GLI2: variants seen among roughly 807,000 people sequenced by gnomAD.
GLI2 encodes the protein GLI family zinc finger 2, also known as transcription activator GLI2.
A neutral mutation model predicts 78.9 loss-of-function variants in GLI2; 22 were observed. That is an observed-to-expected ratio of 0.28 (90% CI 0.20 to 0.40). The LOEUF is 0.40. Ranked by LOEUF, GLI2 falls within the 10% of genes least tolerant of loss-of-function variation. The probability of loss-of-function intolerance (pLI) is 1.00; values close to 1 mark genes in which losing one functional copy is unlikely to be tolerated. For missense variants in GLI2, 2,097 were observed against 2,213.2 expected, an observed-to-expected ratio of 0.95 and a Z score of 1.05; for synonymous variants, 974 against 963.7, an observed-to-expected ratio of 1.01 and a Z score of -0.20.
At chr2:120,902,547 A>G (rs1678320574) in intron 2 of GLI2, among the ~76,000 whole-genome samples, 1 of 152,184 alleles carries the variant, frequency 6.6e-6, no homozygotes, top group African/African-American at 2.4e-5. Context: ...GGCTGGAGGT[A>G]TGGTGTGCTC....
intron 5 of GLI2, among the ~76,000 whole-genome samples, chr2:120,957,947 G>A (rs1343268274): frequency 6.6e-6 from 1 of 152,230 alleles, no homozygotes; most frequent in East Asian, 1.9e-4. Context: ...TCCCTGGGCT[G>A]CAGTTTTCAG....
At chr2:120,894,608 T>TTG (rs1382541995) in intron 2 of GLI2, among the ~76,000 whole-genome samples, 1 of 148,178 alleles carries the variant, frequency 6.7e-6, no homozygotes, top group African/African-American at 2.7e-5. Flanking sequence ...GCATTAACCC[T>TTG]TGGGGGGGGG....
chr2:120,953,664 G>T (rs991511686), intron 4 of GLI2, among the ~76,000 whole-genome samples: 1 of 152,174 alleles, frequency 6.6e-6, no homozygotes, highest in African/African-American at 2.4e-5. Context: ...AAGCAGAGAC[G>T]CTGTATTCCA....
At chr2:120,873,899 G>C (rs1688594320) in intron 2 of GLI2, among the ~76,000 whole-genome samples, 2 of 152,152 alleles carry the variant, frequency 1.3e-5, no homozygotes, top group Non-Finnish European at 2.9e-5. Flanking sequence ...CATCTTTGTG[G>C]GGAGACAGCC....
intron 2 of GLI2, among the ~76,000 whole-genome samples, chr2:120,920,548 G>A (rs1558883062): frequency 6.6e-6 from 1 of 152,150 alleles, no homozygotes; most frequent in Non-Finnish European, 1.5e-5. Flanking sequence ...CCAGTACACT[G>A]CCCACACCAA....
In GLI2 at chr2:120,951,464, T is replaced by G. The variant is rs1558908940; in HGVS notation, c.457+19T>G. The G allele has an allele frequency of 6.4e-7, 1 of 1,552,942 alleles. No individual in the cohort carries two copies. Among genetic ancestry groups the G allele is most frequent in the Non-Finnish European group, 8.9e-7 (1 of 1,128,450 alleles). ...GCTGATGGTGAGTAGGGTGTGGGGATGGGGAGGGGCAGCTAGGGCACTGGG... is the reference window on the plus strand; with the variant it reads ...GCTGATGGTGAGTAGGGTGTGGGGAGGGGGAGGGGCAGCTAGGGCACTGGG... On this transcript the variant is annotated intron_variant, in intron 4 of 13. Coordinates refer to ENST00000361492, the MANE Select transcript of GLI2 (RefSeq NM_001374353.1).
At position 120,884,728 on chromosome 2, in the gene GLI2, C is replaced by T. The variant is rs145210704; in HGVS notation, c.149-42633C>T. Among the ~76,000 whole-genome samples the T allele has an allele frequency of 5.6e-3, 858 of 152,308 alleles. 15 individuals are homozygous for T. Among genetic ancestry groups the T allele is most frequent in the African/African-American group, 0.019 (804 of 41,560 alleles). Reference sequence around the variant, plus strand: ...AGCTGAGTGACATTAGGGTGGCCGTCGGAGTCCAGCTAGAGTGGGCAGCAC... The same window carrying T: ...AGCTGAGTGACATTAGGGTGGCCGTTGGAGTCCAGCTAGAGTGGGCAGCAC... On this transcript the variant is annotated intron_variant, in intron 2 of 13. Coordinates refer to ENST00000361492, the MANE Select transcript of GLI2 (RefSeq NM_001374353.1).
chr2:120,914,534 TC>T (rs1329325532), intron 2 of GLI2, among the ~76,000 whole-genome samples: 1 of 152,226 alleles, frequency 6.6e-6, no homozygotes, highest in African/African-American at 2.4e-5. Flanking sequence ...CCCTATTGTT[TC>T]TTCCAGCCCT....
chr2:120,756,940 A>G (rs901083009), intron 1 of GLI2, among the ~76,000 whole-genome samples: 6 of 152,038 alleles, frequency 3.9e-5, no homozygotes, highest in African/African-American at 1.4e-4. Flanking sequence ...CTCTTTTTTA[A>G]TGTTTTATTC....
intron 2 of GLI2, among the ~76,000 whole-genome samples, chr2:120,806,081 C>T (rs1558806300): frequency 6.6e-6 from 1 of 152,176 alleles, no homozygotes; most frequent in East Asian, 1.9e-4. Flanking sequence ...TGGATGGGCC[C>T]CTGTTTCCTG....
rs774448389 is a variant in GLI2, at chr2:120,990,649, A to T, written c.4684A>T (p.Ser1562Cys). 20 of 1,612,618 alleles carry T rather than the reference A, an allele frequency of 1.2e-5. No individual in the cohort carries two copies. Among genetic ancestry groups the T allele is most frequent in the Admixed American group, 1.7e-5 (1 of 59,986 alleles). Residue 1562 changes from serine (S) to cysteine (C), a missense_variant, in exon 14 of 14, where the codon AGC (serine) becomes TGC (cysteine). By Grantham distance (112) the Ser-to-Cys change is moderately radical. Coordinates refer to ENST00000361492, the MANE Select transcript of GLI2 (RefSeq NM_001374353.1). ...SSMLTSLAEE[S>C]KFLNMMT ...CATGCTCACCAGCCTCGCCGAGGAGAGCAAGTTCCTGAACATGATGACCTA... is the reference window on the plus strand; with the variant it reads ...CATGCTCACCAGCCTCGCCGAGGAGTGCAAGTTCCTGAACATGATGACCTA...
At chr2:120,783,077 G>A (rs1683893031) in intron 1 of GLI2, among the ~76,000 whole-genome samples, 2 of 152,100 alleles carry the variant, frequency 1.3e-5, no homozygotes, top group African/African-American at 2.4e-5. Context: ...GCAGGCTCAG[G>A]AGAAAGCCTG....
rs1683288977 is a variant in GLI2, at chr2:120,991,399, G to A, written c.*724G>A. 6.5e-6 allele frequency: 1 copy of A among 152,704 alleles called. No individual in the cohort carries two copies. 9.5% of individuals were successfully genotyped at this position (152,704 alleles called of 1,614,324 possible). On this transcript the variant is annotated 3_prime_UTR_variant, in exon 14 of 14. Coordinates refer to ENST00000361492, the MANE Select transcript of GLI2 (RefSeq NM_001374353.1). Reference sequence around the variant, plus strand: ...TCACCAGAAAAAGGAAAGAAAAAATGTACTCCTTGGGGCAAGCCCAGAAGC... The same window carrying A: ...TCACCAGAAAAAGGAAAGAAAAAATATACTCCTTGGGGCAAGCCCAGAAGC...
intron 2 of GLI2, among the ~76,000 whole-genome samples, chr2:120,837,096 T>A (rs921577736): frequency 6.6e-6 from 1 of 152,142 alleles, no homozygotes. Flanking sequence ...ATACTAATCT[T>A]AAAAATCTTA....
At chr2:120,972,100 A>G (rs1183358367) in intron 8 of GLI2, 37 bp downstream of exon 8, 1 of 1,611,468 alleles carries the variant, frequency 6.2e-7, no homozygotes, top group South Asian at 1.1e-5. Context: ...TCCTCCAGCT[A>G]GGACCAGGCT....
chr2:120,816,977 T>C (rs1685526036), intron 2 of GLI2, among the ~76,000 whole-genome samples: 1 of 152,226 alleles, frequency 6.6e-6, no homozygotes. Flanking sequence ...TGGATATTTT[T>C]TTACCCATGC....
At position 120,988,930 on chromosome 2, in the gene GLI2, G is replaced by C. The variant is rs763699269; in HGVS notation, c.2965G>C (p.Gly989Arg). Residue 989 changes from glycine to arginine, a missense_variant, in exon 14 of 14, where the codon GGC becomes CGC. Coordinates refer to ENST00000361492, the MANE Select transcript of GLI2 (RefSeq NM_001374353.1). Reference sequence around the variant, plus strand: ...GCTGCCGCCCTGTGCCGACAGGCGAGGCCTCCGCCTGCAGAGCCACCCGAG... The same window carrying C: ...GCTGCCGCCCTGTGCCGACAGGCGACGCCTCCGCCTGCAGAGCCACCCGAG... Reference protein sequence around the residue: ...GPLPPCADRRGLRLQSHPSTD... With the variant: ...GPLPPCADRRRLRLQSHPSTD... 1.1e-5 allele frequency: 17 copies of C among 1,526,316 alleles called. No individual in the cohort carries two copies. The African/African-American group carries it at 1.8e-4, about 16-fold the overall frequency. 94.5% of individuals were successfully genotyped at this position (1,526,316 alleles called of 1,614,324 possible). A position where few individuals can be genotyped will look rare whatever the true frequency, so the allele number is the denominator to read the frequency against.
intron 2 of GLI2, among the ~76,000 whole-genome samples, chr2:120,798,788 C>T (rs565984364): frequency 2.6e-5 from 4 of 152,258 alleles, no homozygotes; most frequent in East Asian, 3.9e-4. Flanking sequence ...TGGAGCGGCC[C>T]TGGTCCTGGG....
chr2:120,744,316 C>T (rs1052992602), intron 1 of GLI2, among the ~76,000 whole-genome samples: 1 of 152,136 alleles, frequency 6.6e-6, no homozygotes, highest in African/African-American at 2.4e-5. Context: ...TAGGGCTGGC[C>T]CTCGCTGTCT....
Sources: gnomAD v4.1 joint callset for allele counts (sites outside exome capture counted in the v4.1 genomes callset) on GRCh38, gnomAD v4.1.1 for gene constraint, MANE v1.5 for transcripts, NCBI Gene and HGNC (gene_info 2026-07-23, HGNC 2026-07-21) for gene names.